CHST15: variants seen among roughly 807,000 people sequenced by gnomAD.
The protein encoded by CHST15 is carbohydrate sulfotransferase 15.
Under a neutral mutation model 53.6 loss-of-function variants are expected in CHST15, and 30 were observed. The observed-to-expected ratio is 0.56, with a 90% CI of 0.42 to 0.76. CHST15 has a LOEUF of 0.76. CHST15 is among the 30% of genes least tolerant of loss of function. The pLI is 0.00. For missense variants in CHST15, 627 were observed against 740.5 expected, an observed-to-expected ratio of 0.85 and a Z score of 1.78; for synonymous variants, 296 against 289.8, an observed-to-expected ratio of 1.02 and a Z score of -0.22.
intron 1 of CHST15, among the ~76,000 whole-genome samples, chr10:124,068,987 G>C (rs1948830662): frequency 6.6e-6 from 1 of 152,232 alleles, no homozygotes; most frequent in African/African-American, 2.4e-5. Context: ...GAAAGTATCA[G>C]AACATGCTTT....
chr10:124,060,251 C>A (rs1428428708), intron 1 of CHST15, among the ~76,000 whole-genome samples: 5 of 151,566 alleles, frequency 3.3e-5, no homozygotes, highest in African/African-American at 1.2e-4. Flanking sequence ...GCCAGCCCCG[C>A]CCCCAGGAGT....
chr10:124,024,343 G>A lies in CHST15; in HGVS notation c.1191-2931C>T, dbSNP rs915789759. On this transcript the variant is annotated intron_variant, in intron 5 of 7. Coordinates refer to ENST00000435907, the MANE Select transcript of CHST15 (RefSeq NM_001270764.2). The surrounding 1 kb of genome is among the most constrained non-coding windows in gnomAD (Gnocchi z 4.0). ...CCTCCGTAGCCCACCTTGGCACATCGGGTGCCTCTGACACAGCCCTCTAGA... is the reference window on the plus strand; with the variant it reads ...CCTCCGTAGCCCACCTTGGCACATCAGGTGCCTCTGACACAGCCCTCTAGA... Among the ~76,000 whole-genome samples, 2 of 152,130 alleles carry A rather than the reference G, an allele frequency of 1.3e-5. No homozygotes were observed. The highest frequency in any genetic ancestry group is 6.6e-5 in the Admixed American group (1 of 15,260).
At chr10:124,065,893 T>C (rs1272084365) in intron 1 of CHST15, among the ~76,000 whole-genome samples, 2 of 152,154 alleles carry the variant, frequency 1.3e-5, no homozygotes, top group Non-Finnish European at 2.9e-5. Context: ...AAATCCCAGG[T>C]ACTGAGCTCA....
At chr10:124,022,532 A>G (rs148395977) in intron 5 of CHST15, among the ~76,000 whole-genome samples, 25 of 152,340 alleles carry the variant, frequency 1.6e-4, no homozygotes, top group African/African-American at 4.3e-4. Flanking sequence ...CCGTGCTAAT[A>G]AACACCAGTG....
At chr10:124,083,445 A>G (rs569802929) in intron 1 of CHST15, among the ~76,000 whole-genome samples, 14 of 152,338 alleles carry the variant, frequency 9.2e-5, no homozygotes, top group Non-Finnish European at 1.5e-4. Context: ...ATTTTATACA[A>G]TGCAAAAGAT....
In CHST15 at chr10:124,008,935, T is replaced by C. The variant is rs1352472042; in HGVS notation, c.*1214A>G. 13 of 1,288,492 alleles carry C rather than the reference T, an allele frequency of 1.0e-5. No individual in the cohort carries two copies. Among genetic ancestry groups the C allele is most frequent in the Non-Finnish European group, 1.3e-5 (13 of 988,356 alleles). The allele number at this position is 1,288,492 out of a possible 1,614,324, so 79.8% of individuals were successfully genotyped here. ...CCAAGCTGCCAAGTGGCCTGGAAAA[T>C]TCCATGAAGAACACGGCTCTTAGAA... On this transcript the variant is annotated 3_prime_UTR_variant, in exon 8 of 8. Coordinates refer to ENST00000435907, the MANE Select transcript of CHST15 (RefSeq NM_001270764.2).
At chr10:124,041,309 ACTAT>A (rs1347789369) in intron 4 of CHST15, among the ~76,000 whole-genome samples, 4 of 152,220 alleles carry the variant, frequency 2.6e-5, no homozygotes, top group African/African-American at 4.8e-5. Flanking sequence ...AAAATAGATC[ACTAT>A]CTAAGGTAAA....
At chr10:124,082,539 A>G (rs1246244480) in intron 1 of CHST15, among the ~76,000 whole-genome samples, 1 of 151,934 alleles carries the variant, frequency 6.6e-6, no homozygotes. Context: ...TCTTATTATT[A>G]GAAGAAAGTG....
chr10:124,062,605 C>T (rs904192358), intron 1 of CHST15, among the ~76,000 whole-genome samples: 1 of 152,114 alleles, frequency 6.6e-6, no homozygotes, highest in Non-Finnish European at 1.5e-5. Context: ...GCTCAACAAA[C>T]GGCAACCACC....
rs376495073 is a variant in CHST15 at position 124,009,960 on chromosome 10, G to C, written c.*189C>G. Reference sequence around the variant, plus strand: ...GGCCTCGGATAGAGGAGCTCTGTGAGGGGTCCATTGCTGAGCTCTCGAACA... The same window carrying C: ...GGCCTCGGATAGAGGAGCTCTGTGACGGGTCCATTGCTGAGCTCTCGAACA... On this transcript the variant is annotated 3_prime_UTR_variant, in exon 8 of 8. Coordinates refer to ENST00000435907, the MANE Select transcript of CHST15 (RefSeq NM_001270764.2). The C allele has an allele frequency of 9.1e-6, 13 of 1,431,756 alleles. No individual in the cohort carries two copies. In the East Asian group the frequency reaches 1.5e-4, roughly 17 times the overall value. 88.7% of individuals were successfully genotyped at this position (1,431,756 alleles called of 1,614,324 possible).
intron 1 of CHST15, among the ~76,000 whole-genome samples, chr10:124,083,367 T>A (rs929406228): frequency 6.6e-6 from 1 of 152,226 alleles, no homozygotes; most frequent in African/African-American, 2.4e-5. Context: ...AAATTTATTT[T>A]CCACCACTCA....
At chr10:124,086,231 G>A (rs888991894) in intron 1 of CHST15, among the ~76,000 whole-genome samples, 1 of 152,194 alleles carries the variant, frequency 6.6e-6, no homozygotes, top group Non-Finnish European at 1.5e-5. Flanking sequence ...GACACACTGT[G>A]GCCACTTCTA....
Position 124,087,693 on chromosome 10 carries a change from G to C in CHST15, c.-513+5776C>G, listed in dbSNP as rs576533329. ...AAATAGGCATCAGGGAGAGCCTGCC[G>C]AAGCCAGGAGCCCCCACCCCCCCGC... On this transcript the variant is annotated intron_variant, in intron 1 of 7. Coordinates refer to ENST00000435907, the MANE Select transcript of CHST15 (RefSeq NM_001270764.2). 3.7e-3 allele frequency among the ~76,000 whole-genome samples: 568 copies of C among 152,290 alleles called. 3 individuals are homozygous for C. The highest frequency in any genetic ancestry group is 0.013 in the African/African-American group (543 of 41,548).
Position 124,042,563 on chromosome 10 carries a change from G to A in CHST15, c.887-116C>T, listed in dbSNP as rs990231250. 26 of 1,174,032 alleles carry A rather than the reference G, an allele frequency of 2.2e-5. No homozygotes were observed. In the Admixed American group the frequency reaches 5.6e-4, roughly 25 times the overall value. 72.7% of individuals were successfully genotyped at this position (1,174,032 alleles called of 1,614,324 possible). On this transcript the variant is annotated intron_variant, in intron 3 of 7. Coordinates refer to ENST00000435907, the MANE Select transcript of CHST15 (RefSeq NM_001270764.2). ...AGGCCTAAAGGGCCTGGCGACAGCA[G>A]CAAGAGGCTCAGCCCAGGTAAGCTT...
At chr10:124,022,446 C>G (rs1215222641) in intron 5 of CHST15, among the ~76,000 whole-genome samples, 1 of 152,242 alleles carries the variant, frequency 6.6e-6, no homozygotes, top group Non-Finnish European at 1.5e-5. Flanking sequence ...CCGTTTCTGC[C>G]TATAAAGCCA....
At chr10:124,027,091 A>G (rs1008279844) in intron 5 of CHST15, among the ~76,000 whole-genome samples, 3 of 152,194 alleles carry the variant, frequency 2.0e-5, no homozygotes, top group East Asian at 3.9e-4. Context: ...ACATTTGGCC[A>G]GGACTGTTTC....
At chr10:124,066,270 G>C (rs1948746931) in intron 1 of CHST15, among the ~76,000 whole-genome samples, 1 of 152,112 alleles carries the variant, frequency 6.6e-6, no homozygotes, top group Non-Finnish European at 1.5e-5. Context: ...GCTAGGGGAA[G>C]GGGGAGGAGG....
At chr10:124,010,756 G>A (rs755596430) in intron 7 of CHST15, 10 of 985,432 alleles carry the variant, frequency 1.0e-5, no homozygotes, top group Non-Finnish European at 1.1e-5. Flanking sequence ...CTGGAATTCC[G>A]CCATCATCGT....
At chr10:124,014,474 A>T (rs868218590) in intron 6 of CHST15, among the ~76,000 whole-genome samples, 20 of 152,316 alleles carry the variant, frequency 1.3e-4, no homozygotes, top group Middle Eastern at 3.4e-3. Flanking sequence ...TTGCTACCTC[A>T]CATGCCAGCT....
Sources: allele counts gnomAD v4.1 joint callset (sites outside exome capture counted in the v4.1 genomes callset), GRCh38; gene constraint gnomAD v4.1.1; non-coding constraint Gnocchi (gnomAD v3.1); transcripts MANE v1.5; gene names NCBI Gene and HGNC (gene_info 2026-07-23, HGNC 2026-07-21).